The following C1QTNF9 variants were observed in gnomAD, a reference collection of about 807,000 sequenced individuals.
C1QTNF9 encodes complement C1q and tumor necrosis factor-related protein 9A.
C1QTNF9 carries 6 observed loss-of-function variants against 10.1 expected under a neutral mutation model. That is an observed-to-expected ratio of 0.59 (90% CI 0.32 to 1.17). The LOEUF is 1.17. Ranked by LOEUF, C1QTNF9 falls within the 50% of genes most tolerant of loss-of-function variation. C1QTNF9 has a pLI of 0.04. For missense variants in C1QTNF9, 201 were observed against 418.8 expected (o/e 0.48, Z 4.54); for synonymous variants, 98 against 163.5 (o/e 0.60, Z 3.06).
intron 1 of C1QTNF9, among the ~76,000 whole-genome samples, chr13:24,311,031 C>G (rs11839369): frequency 6.6e-6 from 1 of 151,936 alleles, no homozygotes; most frequent in African/African-American, 2.4e-5. Flanking sequence ...ACTCTTAGAT[C>G]GTCAGATCCG....
At chr13:24,317,287 T>TGTGTGTGTGTGTGTGTG (rs56654126) in intron 2 of C1QTNF9, among the ~76,000 whole-genome samples, 12 of 144,212 alleles carry the variant, frequency 8.3e-5, no homozygotes. Flanking sequence ...GTGTGTGTAT[T>TGTGTGTGTGTGTGTGTG]GTATTTCTGA....
exon 2 of C1QTNF9, chr13:24,316,126 A>C: frequency 6.2e-7 from 1 of 1,612,218 alleles, no homozygotes; most frequent in Non-Finnish European, 8.5e-7. Flanking sequence ...GTCTGCCTGG[A>C]AGAGATGGAC....
At position 24,321,715 on chromosome 13, in the gene C1QTNF9, G is replaced by A. The variant is rs138029470; in HGVS notation, c.949G>A (p.Asp317Asn). The A allele has an allele frequency of 8.7e-6, 14 of 1,606,976 alleles. No homozygotes were observed. The African/African-American group carries it at 1.3e-4, about 15-fold the overall frequency. ...AGAGAGGTTCAATGGCTTGTTTGCTGATGAGGACGATGACACAACTTTCAC... is the reference window on the plus strand; with the variant it reads ...AGAGAGGTTCAATGGCTTGTTTGCTAATGAGGACGATGACACAACTTTCAC... The change falls in exon 4 of 4, where the codon GAT becomes AAT. Residue 317 changes from aspartate (D) to asparagine (N), a missense_variant. Asp to Asn is a conservative substitution (Grantham distance 23, BLOSUM62 1). Transcript: ENST00000332018.
intron 1 of C1QTNF9, among the ~76,000 whole-genome samples, chr13:24,310,155 G>A (rs1877756581): frequency 6.6e-6 from 1 of 151,876 alleles, no homozygotes; most frequent in South Asian, 2.1e-4. Flanking sequence ...GCCTCCCAAA[G>A]TGCTGGGATT....
At chr13:24,310,121 T>C (rs1473514001) in intron 1 of C1QTNF9, among the ~76,000 whole-genome samples, 1 of 152,032 alleles carries the variant, frequency 6.6e-6, no homozygotes, top group Non-Finnish European at 1.5e-5. Context: ...CTTGAACTCC[T>C]GACCTTATGA....
chr13:24,318,877 C>A (rs142688497), exon 3 of C1QTNF9: 2 of 1,614,074 alleles, frequency 1.2e-6, no homozygotes, highest in African/African-American at 2.7e-5. Flanking sequence ...GAAGGGAGAA[C>A]GAGGTTAGTA....
exon 4 of C1QTNF9, chr13:24,321,599 A>G: frequency 2.5e-6 from 4 of 1,614,218 alleles, no homozygotes; most frequent in Non-Finnish European, 3.4e-6. Context: ...CACACCAAAG[A>G]TGCTTACATG....
chr13:24,320,872 C>T, intron 3 of C1QTNF9, 124 bp from the exon 4 acceptor site: 1 of 904,386 alleles, frequency 1.1e-6, no homozygotes, highest in Non-Finnish European at 1.7e-6. Context: ...ATTTTAAACT[C>T]TGGGCATATA....
chr13:24,312,722 C>T lies in C1QTNF9; in HGVS notation c.-23+3106C>T, dbSNP rs561169291. ...CTGTAATCCCAGCACTTTGGGAGGC[C>T]GAGGTGGGCGAATCACAAGGTCAGG... is the stretch of plus-strand genomic sequence containing the variant. On this transcript the variant is annotated intron_variant, in intron 1 of 3. Transcript: ENST00000332018. 7.9e-5 allele frequency among the ~76,000 whole-genome samples: 12 copies of T among 151,846 alleles called. No individual in the cohort carries two copies. In the South Asian group the frequency reaches 1.7e-3, roughly 21 times the overall value.
intron 1 of C1QTNF9, among the ~76,000 whole-genome samples, chr13:24,311,771 G>A (rs1229309025): frequency 6.6e-6 from 1 of 152,200 alleles, no homozygotes; most frequent in Non-Finnish European, 1.5e-5. Flanking sequence ...AAGATGTGCT[G>A]GCAGGTCTGG....
intron 1 of C1QTNF9, among the ~76,000 whole-genome samples, chr13:24,312,077 A>G (rs1434687308): frequency 6.6e-6 from 1 of 152,202 alleles, no homozygotes; most frequent in African/African-American, 2.4e-5. Context: ...GATGAAGGTG[A>G]GAAGGGGTGT....
upstream of C1QTNF9, chr13:24,307,208 G>T (rs1484818750): frequency 6.6e-6 from 1 of 152,212 alleles, no homozygotes; most frequent in Admixed American, 6.5e-5. Context: ...CATCCATTCA[G>T]GAGCTCCATG....
At chr13:24,307,869 C>A (rs1303175217), upstream of C1QTNF9, among the ~76,000 whole-genome samples, 1 of 152,242 alleles carries the variant, frequency 6.6e-6, no homozygotes, top group African/African-American at 2.4e-5. Flanking sequence ...GCCGCAGCAG[C>A]CCCGGAGGCT....
chr13:24,311,282 A>G (rs756447465), intron 1 of C1QTNF9, among the ~76,000 whole-genome samples: 3 of 152,238 alleles, frequency 2.0e-5, no homozygotes, highest in Non-Finnish European at 4.4e-5. Context: ...TTAGCAAAGG[A>G]CAGATATAGG....
intron 2 of C1QTNF9, among the ~76,000 whole-genome samples, chr13:24,317,261 G>GTGTA (rs1878075247): frequency 6.6e-6 from 1 of 151,532 alleles, no homozygotes; most frequent in Non-Finnish European, 1.5e-5. Context: ...AGTAGTGTGT[G>GTGTA]TGTGTGTGTG....
intron 1 of C1QTNF9, among the ~76,000 whole-genome samples, chr13:24,312,705 C>G (rs4769340): frequency 6.6e-6 from 1 of 151,998 alleles, no homozygotes; most frequent in Non-Finnish European, 1.5e-5. Context: ...ACCTGTAATC[C>G]CAGCACTTTG....
upstream of C1QTNF9, among the ~76,000 whole-genome samples, chr13:24,307,801 C>T (rs1221821435): frequency 6.6e-6 from 1 of 152,220 alleles, no homozygotes; most frequent in Non-Finnish European, 1.5e-5. Context: ...GTCATAAGCG[C>T]GCCCCTACTC....
chr13:24,321,573 T>G (rs377422263), exon 4 of C1QTNF9: 5 of 1,612,214 alleles, frequency 3.1e-6, no homozygotes, highest in Non-Finnish European at 4.2e-6. Context: ...TGGTCAAAAA[T>G]GGAGTAAAAA....
At chr13:24,317,220 ATCAGG>A (rs1378684659) in intron 2 of C1QTNF9, among the ~76,000 whole-genome samples, 2 of 151,926 alleles carry the variant, frequency 1.3e-5, no homozygotes, top group Non-Finnish European at 2.9e-5. Flanking sequence ...CATTAATGAA[ATCAGG>A]TCTTCTGCCC....
Sources: gnomAD v4.1 joint callset for allele counts (sites outside exome capture counted in the v4.1 genomes callset) on GRCh38, gnomAD v4.1.1 for gene constraint, MANE v1.5 for transcripts, NCBI Gene and HGNC (gene_info 2026-07-23, HGNC 2026-07-21) for gene names.